MDFIC2: variants seen among roughly 807,000 people sequenced by gnomAD.
The protein encoded by MDFIC2 is myoD family inhibitor domain-containing protein 2.
At chr3:70,203,939 G>A (rs1480603401) in intron 3 of MDFIC2, among the ~76,000 whole-genome samples, 1 of 152,030 alleles carries the variant, frequency 6.6e-6, no homozygotes, top group Non-Finnish European at 1.5e-5. Flanking sequence ...TTTTATTCAG[G>A]AAAGGGACCA....
At chr3:70,216,358 T>C (rs1173548732) in intron 2 of MDFIC2, among the ~76,000 whole-genome samples, 1 of 151,406 alleles carries the variant, frequency 6.6e-6, no homozygotes, top group Admixed American at 6.6e-5. Context: ...TTCCTAGATG[T>C]CATTCATTTT....
chr3:70,275,707 G>A (rs990609764), intron 2 of MDFIC2, among the ~76,000 whole-genome samples: 3 of 152,070 alleles, frequency 2.0e-5, no homozygotes, highest in Admixed American at 2.0e-4. Context: ...TCAAAGCGTC[G>A]TTGAAAGGAT....
intron 2 of MDFIC2, chr3:70,291,262 G>GA (rs1426879731): frequency 6.6e-6 from 1 of 151,928 alleles, no homozygotes; most frequent in Non-Finnish European, 1.5e-5. Flanking sequence ...CATTATCTAG[G>GA]ACTCTATTTT....
intron 2 of MDFIC2, among the ~76,000 whole-genome samples, chr3:70,258,298 A>C (rs1033162609): frequency 6.6e-6 from 1 of 152,184 alleles, no homozygotes; most frequent in African/African-American, 2.4e-5. Flanking sequence ...GGCTTTCATC[A>C]AAATTATAAA....
chr3:70,286,821 A>G (rs1702169542), intron 2 of MDFIC2, among the ~76,000 whole-genome samples: 1 of 152,152 alleles, frequency 6.6e-6, no homozygotes, highest in African/African-American at 2.4e-5. Context: ...CTTTGAAGCA[A>G]TTGCGAATGA....
At chr3:70,250,934 A>G (rs1287319932) in intron 2 of MDFIC2, among the ~76,000 whole-genome samples, 1 of 152,248 alleles carries the variant, frequency 6.6e-6, no homozygotes, top group African/African-American at 2.4e-5. Flanking sequence ...ATAAAATTTA[A>G]TCTATTTAGA....
At chr3:70,265,235 A>G (rs1701905419) in intron 2 of MDFIC2, among the ~76,000 whole-genome samples, 1 of 152,204 alleles carries the variant, frequency 6.6e-6, no homozygotes, top group Non-Finnish European at 1.5e-5. Context: ...CTCTGGATAA[A>G]TCATATTTAA....
chr3:70,281,380 C>T (rs572203744), intron 2 of MDFIC2, among the ~76,000 whole-genome samples: 45 of 152,248 alleles, frequency 3.0e-4, no homozygotes, highest in Middle Eastern at 3.4e-3. Flanking sequence ...CTAATGGGTA[C>T]GATCATAAGC....
At chr3:70,289,210 TC>T (rs1702201442) in intron 2 of MDFIC2, among the ~76,000 whole-genome samples, 1 of 150,630 alleles carries the variant, frequency 6.6e-6, no homozygotes, top group African/African-American at 2.4e-5. Context: ...GTTGTTCCTT[TC>T]CATGTTTAGC....
chr3:70,268,510 G>A (rs1701945368), intron 2 of MDFIC2, among the ~76,000 whole-genome samples: 1 of 149,620 alleles, frequency 6.7e-6, no homozygotes, highest in South Asian at 2.1e-4. Flanking sequence ...CCACCAGAAT[G>A]GTGCATTTGT....
intron 2 of MDFIC2, among the ~76,000 whole-genome samples, chr3:70,308,361 T>C (rs970657306): frequency 1.3e-5 from 2 of 152,192 alleles, no homozygotes; most frequent in Non-Finnish European, 1.5e-5. Context: ...TGAGCAATGC[T>C]GCATATTTTT....
chr3:70,251,196 T>A (rs1413325371), intron 2 of MDFIC2, among the ~76,000 whole-genome samples: 1 of 152,194 alleles, frequency 6.6e-6, no homozygotes, highest in Non-Finnish European at 1.5e-5. Context: ...ACAGAGCTAC[T>A]CCTCAGGTTC....
intron 2 of MDFIC2, among the ~76,000 whole-genome samples, chr3:70,214,728 T>A (rs1308734680): frequency 6.6e-6 from 1 of 152,010 alleles, no homozygotes; most frequent in Non-Finnish European, 1.5e-5. Context: ...GATCATAAGC[T>A]GGTAACGAGG....
intron 2 of MDFIC2, among the ~76,000 whole-genome samples, chr3:70,288,880 A>G (rs1702196344): frequency 6.6e-6 from 1 of 150,716 alleles, no homozygotes; most frequent in Non-Finnish European, 1.5e-5. Flanking sequence ...TAGGATTGCA[A>G]CCCCTGCCTT....
Position 70,195,129 on chromosome 3 carries a change from G to C in MDFIC2, c.*1797C>G, listed in dbSNP as rs1011817235. On this transcript the variant is annotated 3_prime_UTR_variant, in exon 4 of 4. Transcript: ENST00000567252. Reference sequence around the variant, plus strand: ...TCACTGTGTGGTCTTGAATAAGTCAGTTCATGGGGCCTCTCTTTTCCCCTG... The same window carrying C: ...TCACTGTGTGGTCTTGAATAAGTCACTTCATGGGGCCTCTCTTTTCCCCTG... Among the ~76,000 whole-genome samples, 1 of 152,192 alleles carries C rather than the reference G, an allele frequency of 6.6e-6. No individual in the cohort carries two copies.
At chr3:70,242,378 C>T (rs965145597) in intron 2 of MDFIC2, among the ~76,000 whole-genome samples, 2 of 152,050 alleles carry the variant, frequency 1.3e-5, no homozygotes, top group African/African-American at 4.8e-5. Context: ...ACTTTTTTCC[C>T]ATTTGTGGAA....
chr3:70,286,535 G>T (rs1702165524), intron 2 of MDFIC2, among the ~76,000 whole-genome samples: 1 of 151,810 alleles, frequency 6.6e-6, no homozygotes, highest in Admixed American at 6.6e-5. Context: ...TTGACTTGGT[G>T]ATGCGGGCTC....
At chr3:70,199,428 T>A (rs960928770) in intron 3 of MDFIC2, among the ~76,000 whole-genome samples, 1 of 152,192 alleles carries the variant, frequency 6.6e-6, no homozygotes, top group African/African-American at 2.4e-5. Context: ...GGCACTTGTT[T>A]CCTTCTACCT....
chr3:70,242,567 A>G (rs1701674139), intron 2 of MDFIC2, among the ~76,000 whole-genome samples: 1 of 152,140 alleles, frequency 6.6e-6, no homozygotes, highest in African/African-American at 2.4e-5. Flanking sequence ...TCTCTGCTGC[A>G]TTAGTAATGC....
Sources: allele counts gnomAD v4.1 joint callset (sites outside exome capture counted in the v4.1 genomes callset), GRCh38; gene constraint gnomAD v4.1.1; transcripts MANE v1.5; gene names NCBI Gene and HGNC (gene_info 2026-07-23, HGNC 2026-07-21).